The following MTMR7 variants were observed in gnomAD, a reference collection of about 807,000 sequenced individuals.
MTMR7 encodes myotubularin related protein 7, also known as phosphatidylinositol-3-phosphate phosphatase MTMR7.
MTMR7 carries 76 observed loss-of-function variants against 81.2 expected under a neutral mutation model. The ratio of observed to expected loss-of-function variants is 0.94; its 90% CI spans 0.78 to 1.13. The LOEUF (loss-of-function observed/expected upper bound fraction) is 1.13, where lower values mean the gene tolerates loss of function less well. Among genes scored for constraint, MTMR7 ranks in the 50% most tolerant of loss-of-function variants. The probability of loss-of-function intolerance (pLI) is 0.00; values close to 1 mark genes in which losing one functional copy is unlikely to be tolerated. For synonymous variants in MTMR7, 372 were observed against 289.8 expected, an observed-to-expected ratio of 1.28 and a Z score of -2.88; for missense variants, 1,044 against 820.0, an observed-to-expected ratio of 1.27 and a Z score of -3.34.
rs190684794 is a variant in MTMR7, at chr8:17,369,018, T to A, written c.310+2019A>T. On this transcript the variant is annotated intron_variant, in intron 3 of 13. Coordinates refer to ENST00000180173, the MANE Select transcript of MTMR7 (RefSeq NM_004686.5). ...ACTCGCTATCTCTGGGCCATGACCCTCCTGGTCCCTGTGATTCACTCATCA... is the reference window on the plus strand; with the variant it reads ...ACTCGCTATCTCTGGGCCATGACCCACCTGGTCCCTGTGATTCACTCATCA... Among the ~76,000 whole-genome samples the A allele has an allele frequency of 2.0e-3, 312 of 152,330 alleles. 2 individuals carry two copies. The highest frequency in any genetic ancestry group is 3.4e-3 in the Non-Finnish European group (232 of 68,024).
chr8:17,351,667 T>A (rs75369105), intron 4 of MTMR7, among the ~76,000 whole-genome samples: 7,889 of 152,256 alleles, frequency 0.052, 599 homozygotes, highest in African/African-American at 0.16. Context: ...GTTATGAGGA[T>A]TTCTGCCTTC....
At chr8:17,356,173 G>A (rs1169450510) in intron 4 of MTMR7, among the ~76,000 whole-genome samples, 2 of 152,084 alleles carry the variant, frequency 1.3e-5, no homozygotes, top group Non-Finnish European at 2.9e-5. Context: ...ACCATATTGT[G>A]TCTTGCTTTT....
intron 7 of MTMR7, among the ~76,000 whole-genome samples, chr8:17,327,231 A>G (rs1344735988): frequency 6.6e-6 from 1 of 152,186 alleles, no homozygotes; most frequent in Non-Finnish European, 1.5e-5. Flanking sequence ...ATATTCTACT[A>G]TTATAAATAA....
chr8:17,381,247 G>T (rs1051222249), intron 1 of MTMR7, among the ~76,000 whole-genome samples: 13 of 152,092 alleles, frequency 8.5e-5, no homozygotes, highest in African/African-American at 3.1e-4. Flanking sequence ...GGCCAAGGCT[G>T]AAAACGCTCA....
chr8:17,360,951 G>A (rs1437218804), intron 4 of MTMR7, among the ~76,000 whole-genome samples, 166 bp downstream of exon 4: 1 of 152,070 alleles, frequency 6.6e-6, no homozygotes, highest in Non-Finnish European at 1.5e-5. Context: ...TTGATTCTAG[G>A]TCCAGGTTGT....
Position 17,361,275 on chromosome 8 carries a change from C to G in MTMR7, c.311-1G>C. The G allele has an allele frequency of 6.2e-7, 1 of 1,614,132 alleles. No individual in the cohort carries two copies. Among genetic ancestry groups the G allele is most frequent in the African/African-American group, 1.3e-5 (1 of 75,042 alleles). ...AAGCAGTATAACTCCTCATATTTCA[C>G]TGCAAGAAAAGGTAGGATAAAGTTA... On this transcript the variant is annotated splice_acceptor_variant, in intron 3 of 13. Coordinates refer to ENST00000180173, the MANE Select transcript of MTMR7 (RefSeq NM_004686.5). LOFTEE classifies it high-confidence loss of function.
intron 9 of MTMR7, among the ~76,000 whole-genome samples, chr8:17,310,009 A>T (rs970044804): frequency 1.3e-5 from 2 of 151,994 alleles, no homozygotes; most frequent in African/African-American, 4.8e-5. Flanking sequence ...ATATTTTAAA[A>T]TTTATTTTTG....
intron 7 of MTMR7, among the ~76,000 whole-genome samples, chr8:17,315,896 C>T (rs945642188): frequency 1.7e-4 from 26 of 152,068 alleles, no homozygotes; most frequent in African/African-American, 5.6e-4. Context: ...GCCTACTGTC[C>T]CAGCTACTTG....
chr8:17,368,043 C>T (rs1820286715), intron 3 of MTMR7, among the ~76,000 whole-genome samples: 1 of 151,998 alleles, frequency 6.6e-6, no homozygotes, highest in Non-Finnish European at 1.5e-5. Context: ...TTTTCGGTAC[C>T]AGGGACCAGC....
At position 17,371,062 on chromosome 8, in the gene MTMR7, G is replaced by C. The variant is rs151245844; in HGVS notation, c.285C>G (p.Ile95Met). The change falls in exon 3 of 14, where the codon ATC becomes ATG. Residue 95 changes from isoleucine (I) to methionine (M), a missense_variant. Transcript: ENST00000180173. ...PQERDCHDVY[I>M]SLIRLARPVK... ...CTGGCCTTGCAAGGCGTATCAGGGA[G>C]ATGTACACGTCGTGGCAATCTCTTT... 1.9e-5 allele frequency: 30 copies of C among 1,614,122 alleles called. 1 individual carries two copies. In the Admixed American group the frequency reaches 2.0e-4, roughly 11 times the overall value.
intron 1 of MTMR7, among the ~76,000 whole-genome samples, chr8:17,405,749 A>T (rs10888130): frequency 0.6 from 90,139 of 151,122 alleles, 27,222 homozygotes; most frequent in East Asian, 0.76. Context: ...TATGTGGTTA[A>T]AAAAAAAATC....
intron 1 of MTMR7, among the ~76,000 whole-genome samples, chr8:17,394,901 T>C (rs908858255): frequency 4.6e-5 from 7 of 152,106 alleles, no homozygotes; most frequent in African/African-American, 4.8e-5. Context: ...TGCCAGGAAA[T>C]GTATTTTTTT....
chr8:17,323,984 A>G (rs1441299733), intron 7 of MTMR7, among the ~76,000 whole-genome samples: 1 of 152,224 alleles, frequency 6.6e-6, no homozygotes, highest in Non-Finnish European at 1.5e-5. Flanking sequence ...AACATCGCTG[A>G]GAGAAATATA....
chr8:17,392,776 T>C (rs528622244), intron 1 of MTMR7, among the ~76,000 whole-genome samples: 8 of 152,374 alleles, frequency 5.3e-5, no homozygotes, highest in African/African-American at 1.4e-4. Context: ...TTGAAACTCA[T>C]TGTGCAGCAG....
intron 8 of MTMR7, chr8:17,311,853 A>G: frequency 1.6e-6 from 1 of 618,376 alleles, no homozygotes; most frequent in Non-Finnish European, 2.8e-6. Flanking sequence ...TCCAGAAGCC[A>G]CCACTCAAGT....
At position 17,394,605 on chromosome 8, in the gene MTMR7, T is replaced by G. The variant is rs551938537; in HGVS notation, c.24+18664A>C. ...GTGGTGAAAATGTTCAGAAATTACA[T>G]AGAGAGTAGTGATGGTTACATAATG... On this transcript the variant is annotated intron_variant, in intron 1 of 13. Transcript: ENST00000180173. 3.9e-5 allele frequency among the ~76,000 whole-genome samples: 6 copies of G among 152,130 alleles called. No individual in the cohort carries two copies. The South Asian group carries it at 1.2e-3, about 32-fold the overall frequency.
At chr8:17,337,910 G>T (rs1021005823) in intron 6 of MTMR7, among the ~76,000 whole-genome samples, 2 of 152,102 alleles carry the variant, frequency 1.3e-5, no homozygotes, top group Non-Finnish European at 2.9e-5. Flanking sequence ...CTCATGTGGG[G>T]CTAGCCTTGC....
intron 6 of MTMR7, among the ~76,000 whole-genome samples, chr8:17,331,570 G>T (rs1016543149): frequency 6.6e-5 from 10 of 152,182 alleles, no homozygotes; most frequent in African/African-American, 2.4e-4. Context: ...CCCCGTCAGA[G>T]ATGCCAAACT....
At chr8:17,305,640 A>G (rs1817399363) in intron 11 of MTMR7, 117 bp downstream of exon 11, 1 of 772,066 alleles carries the variant, frequency 1.3e-6, no homozygotes, top group African/African-American at 1.8e-5. Flanking sequence ...CTAATCTGTC[A>G]GTATAGGTAT....
Sources: gnomAD v4.1 joint callset for allele counts (sites outside exome capture counted in the v4.1 genomes callset) on GRCh38, gnomAD v4.1.1 for gene constraint, MANE v1.5 for transcripts, NCBI Gene and HGNC (gene_info 2026-07-23, HGNC 2026-07-21) for gene names.